Variants in KCND2 observed in about 807,000 individuals in gnomAD.
KCND2 encodes the protein potassium voltage-gated channel subfamily D member 2.
In KCND2, 16 loss-of-function variants were observed where a neutral mutation model predicts 54.4. The ratio of observed to expected loss-of-function variants is 0.29; its 90% CI spans 0.20 to 0.45. The LOEUF (loss-of-function observed/expected upper bound fraction) is 0.45, where lower values mean the gene tolerates loss of function less well. Among genes scored for constraint, KCND2 ranks in the 20% least tolerant of loss-of-function variants. The pLI is 1.00. For missense variants in KCND2, 486 were observed against 824.2 expected (o/e 0.59, Z 5.02); for synonymous variants, 317 against 310.7 (o/e 1.02, Z -0.21).
chr7:120,466,510 CAGCCTTTCTTGCA>C (rs1002676883), intron 1 of KCND2, among the ~76,000 whole-genome samples: 5 of 152,072 alleles, frequency 3.3e-5, no homozygotes, highest in African/African-American at 1.2e-4. Context: ...TCCTGGATCC[CAGCCTTTCTTGCA>C]AGCCTTTCTT....
rs555191756 is a variant in KCND2, at chr7:120,591,195, A to G, written c.1116-141708A>G. On this transcript the variant is annotated intron_variant, in intron 1 of 5. Transcript: ENST00000331113. The stretch of plus-strand genomic sequence containing the variant: ...CTACATAATTTGAATTAGAAATGAA[A>G]CAAGTTTTTACAAATTTGGTGAATG... Among the ~76,000 whole-genome samples the G allele has an allele frequency of 2.0e-5, 3 of 152,274 alleles. No individual in the cohort carries two copies. The South Asian group carries it at 6.2e-4, about 32-fold the overall frequency.
chr7:120,327,095 C>T (rs1799989068), intron 1 of KCND2, among the ~76,000 whole-genome samples: 2 of 152,076 alleles, frequency 1.3e-5, no homozygotes, highest in South Asian at 4.1e-4. Context: ...ATGCAATCTA[C>T]AAAGCTTACT....
intron 1 of KCND2, among the ~76,000 whole-genome samples, chr7:120,729,591 C>T (rs1391467225): frequency 2.0e-5 from 3 of 152,186 alleles, no homozygotes; most frequent in African/African-American, 7.2e-5. Context: ...CTCACAACAG[C>T]AGAGCCTTGG....
intron 1 of KCND2, among the ~76,000 whole-genome samples, chr7:120,535,038 G>C (rs1791887750): frequency 6.6e-6 from 1 of 152,116 alleles, no homozygotes; most frequent in Non-Finnish European, 1.5e-5. Context: ...AAATATAGTT[G>C]AAATACATGT....
intron 1 of KCND2, among the ~76,000 whole-genome samples, chr7:120,570,864 T>C (rs1792357136): frequency 6.6e-6 from 1 of 152,202 alleles, no homozygotes; most frequent in Non-Finnish European, 1.5e-5. Flanking sequence ...TCCTTTTCTG[T>C]CCAATATCCA....
intron 1 of KCND2, 23 bp downstream of exon 1, chr7:120,275,770 G>T: frequency 1.3e-6 from 2 of 1,599,674 alleles, no homozygotes; most frequent in South Asian, 1.1e-5. Flanking sequence ...ATGGGAAATG[G>T]GATGGAGGTT....
chr7:120,655,989 T>C (rs948903322), intron 1 of KCND2, among the ~76,000 whole-genome samples: 15 of 152,188 alleles, frequency 9.9e-5, no homozygotes, highest in Non-Finnish European at 1.8e-4. Flanking sequence ...TGAGTTTTCG[T>C]TTAAAATTAT....
intron 1 of KCND2, among the ~76,000 whole-genome samples, chr7:120,373,267 G>A (rs1278606636): frequency 6.6e-6 from 1 of 151,722 alleles, no homozygotes; most frequent in Non-Finnish European, 1.5e-5. Context: ...AAATAAGGTA[G>A]TAGAATACAA....
At chr7:120,704,072 A>G (rs903450167) in intron 1 of KCND2, among the ~76,000 whole-genome samples, 12 of 152,184 alleles carry the variant, frequency 7.9e-5, no homozygotes, top group African/African-American at 2.9e-4. Context: ...TATTCATTTT[A>G]TCTCACATAA....
intron 1 of KCND2, among the ~76,000 whole-genome samples, chr7:120,666,012 G>T (rs1247138990): frequency 6.6e-6 from 1 of 151,968 alleles, no homozygotes; most frequent in African/African-American, 2.4e-5. Flanking sequence ...GGAGGGGAGG[G>T]CATAATTATT....
chr7:120,399,025 G>A (rs538651469), intron 1 of KCND2, among the ~76,000 whole-genome samples: 11 of 151,792 alleles, frequency 7.2e-5, no homozygotes, highest in East Asian at 1.9e-4. Flanking sequence ...CACCTTTTGC[G>A]CTCTTTGCTT....
chr7:120,633,250 ATGCCACT>A (rs1562893763), intron 1 of KCND2, among the ~76,000 whole-genome samples: 1 of 152,186 alleles, frequency 6.6e-6, no homozygotes, highest in Non-Finnish European at 1.5e-5. Context: ...AAGGAGAACA[ATGCCACT>A]TGTTGTAAAA....
chr7:120,609,965 G>T (rs1032600495), intron 1 of KCND2, among the ~76,000 whole-genome samples: 2 of 152,096 alleles, frequency 1.3e-5, no homozygotes, highest in Admixed American at 6.6e-5. Context: ...CAGAAATACT[G>T]AGTGTTTGGA....
intron 1 of KCND2, among the ~76,000 whole-genome samples, chr7:120,662,831 A>AT (rs939749139): frequency 1.3e-5 from 2 of 152,110 alleles, no homozygotes; most frequent in African/African-American, 2.4e-5. Context: ...TTACCTGCTC[A>AT]TTTTTTTCAA....
chr7:120,531,805 AT>A (rs1215833581), intron 1 of KCND2, among the ~76,000 whole-genome samples: 2 of 151,996 alleles, frequency 1.3e-5, no homozygotes, highest in Admixed American at 1.3e-4. Flanking sequence ...GGTTTCCTGG[AT>A]TTTGTTTGAT....
chr7:120,631,897 G>T (rs182532728), intron 1 of KCND2, among the ~76,000 whole-genome samples: 1 of 152,104 alleles, frequency 6.6e-6, no homozygotes, highest in Admixed American at 6.6e-5. Context: ...TAAAATGATA[G>T]ATACCCTATG....
At chr7:120,665,314 T>G (rs1364618337) in intron 1 of KCND2, among the ~76,000 whole-genome samples, 1 of 152,128 alleles carries the variant, frequency 6.6e-6, no homozygotes, top group African/African-American at 2.4e-5. Context: ...GTCTAAATTT[T>G]AAAATACACC....
At chr7:120,745,690 G>A in intron 4 of KCND2, 90 bp from the exon 5 acceptor site, 1 of 1,351,286 alleles carries the variant, frequency 7.4e-7, no homozygotes, top group Non-Finnish European at 1.1e-6. Flanking sequence ...ACTATACTTG[G>A]GCAGATTTGA....
At chr7:120,607,682 C>A (rs541190022) in intron 1 of KCND2, among the ~76,000 whole-genome samples, 1 of 152,010 alleles carries the variant, frequency 6.6e-6, no homozygotes, top group African/African-American at 2.4e-5. Context: ...TGATAAACAT[C>A]AGAAATGGGA....
Sources: gnomAD v4.1 joint callset for allele counts (sites outside exome capture counted in the v4.1 genomes callset) on GRCh38, gnomAD v4.1.1 for gene constraint, MANE v1.5 for transcripts, NCBI Gene and HGNC (gene_info 2026-07-23, HGNC 2026-07-21) for gene names.